PCDH9: variants seen among roughly 807,000 people sequenced by gnomAD.
PCDH9 encodes protocadherin 9, also known as protocadherin-9.
A neutral mutation model predicts 70.6 loss-of-function variants in PCDH9; 24 were observed. The observed-to-expected ratio is 0.34, with a 90% confidence interval of 0.25 to 0.48. The LOEUF (loss-of-function observed/expected upper bound fraction) is 0.48, where lower values mean the gene tolerates loss of function less well. PCDH9 is among the 20% of genes least tolerant of loss of function. The pLI is 0.99. For synonymous variants in PCDH9, 562 were observed against 558.5 expected (o/e 1.01, Z -0.09); for missense variants, 1,281 against 1,503.6 (o/e 0.85, Z 2.45).
chr13:67,224,730 CTTTTT>C, intron 2 of PCDH9: 74 of 527,100 alleles, frequency 1.4e-4, no homozygotes, highest in Middle Eastern at 1.0e-3. Flanking sequence ...AGCAAGCATT[CTTTTT>C]TTTTTTTTTT....
intron 3 of PCDH9, among the ~76,000 whole-genome samples, chr13:66,784,670 T>C (rs2080051810): frequency 6.6e-6 from 1 of 152,180 alleles, no homozygotes; most frequent in South Asian, 2.1e-4. Flanking sequence ...GACTTATAAA[T>C]ATAAAACCGT....
chr13:66,638,573 T>C (rs1287981346), intron 3 of PCDH9, among the ~76,000 whole-genome samples: 3 of 151,966 alleles, frequency 2.0e-5, no homozygotes, highest in African/African-American at 4.8e-5. Context: ...TAATGAGCAA[T>C]TTTTTTTCAT....
At chr13:66,942,555 T>C (rs2083023438) in intron 2 of PCDH9, among the ~76,000 whole-genome samples, 2 of 151,946 alleles carry the variant, frequency 1.3e-5, no homozygotes, top group African/African-American at 2.4e-5. Flanking sequence ...GCTCAAAAAT[T>C]CAACAGTTTT....
chr13:66,385,185 A>G (rs187095548), intron 4 of PCDH9, among the ~76,000 whole-genome samples: 1 of 152,282 alleles, frequency 6.6e-6, no homozygotes, highest in African/African-American at 2.4e-5. Context: ...TGCAAATGAC[A>G]GAATTTTCTT....
At chr13:67,044,074 GA>G (rs1344627610) in intron 2 of PCDH9, among the ~76,000 whole-genome samples, 1 of 151,988 alleles carries the variant, frequency 6.6e-6, no homozygotes, top group African/African-American at 2.4e-5. Context: ...TCCATCCCTG[GA>G]ATGGGGGTTG....
chr13:66,775,705 C>T (rs1293696844), intron 3 of PCDH9, among the ~76,000 whole-genome samples: 1 of 152,174 alleles, frequency 6.6e-6, no homozygotes, highest in Non-Finnish European at 1.5e-5. Context: ...ATAACGTACA[C>T]AATATGTGTT....
chr13:66,647,154 A>G (rs78874297), intron 3 of PCDH9, among the ~76,000 whole-genome samples: 1,562 of 152,246 alleles, frequency 0.01, 16 homozygotes, highest in South Asian at 0.037. Flanking sequence ...TTCTGATGCT[A>G]TTCTGGGCTT....
At chr13:66,840,761 A>C (rs1042606319) in intron 3 of PCDH9, among the ~76,000 whole-genome samples, 2 of 152,216 alleles carry the variant, frequency 1.3e-5, no homozygotes, top group Non-Finnish European at 2.9e-5. Context: ...ACAAACATAA[A>C]ATGGTTGGGT....
At chr13:66,561,206 G>T (rs1473980743) in intron 4 of PCDH9, among the ~76,000 whole-genome samples, 1 of 152,220 alleles carries the variant, frequency 6.6e-6, no homozygotes, top group Non-Finnish European at 1.5e-5. Flanking sequence ...TTAGCGCCTG[G>T]GCCAGCAGCT....
chr13:66,556,308 A>G (rs1961738039), intron 4 of PCDH9, among the ~76,000 whole-genome samples: 1 of 152,104 alleles, frequency 6.6e-6, no homozygotes, highest in Non-Finnish European at 1.5e-5. Context: ...CCAGAGCATG[A>G]GTGTAAGATA....
At chr13:67,133,797 C>CA (rs1332401031) in intron 2 of PCDH9, among the ~76,000 whole-genome samples, 2 of 152,008 alleles carry the variant, frequency 1.3e-5, no homozygotes, top group African/African-American at 4.8e-5. Context: ...TTTGACTCTT[C>CA]ATGCAATAAA....
At chr13:66,704,687 G>A (rs2078689136) in intron 3 of PCDH9, among the ~76,000 whole-genome samples, 4 of 152,090 alleles carry the variant, frequency 2.6e-5, no homozygotes, top group Admixed American at 6.5e-5. Flanking sequence ...ACTGGTAAGT[G>A]TAACTTTTTG....
At chr13:66,661,088 T>G (rs1280112434) in intron 3 of PCDH9, among the ~76,000 whole-genome samples, 1 of 152,240 alleles carries the variant, frequency 6.6e-6, no homozygotes, top group Non-Finnish European at 1.5e-5. Context: ...AATCCCATTT[T>G]ATTTTCTTTT....
intron 2 of PCDH9, among the ~76,000 whole-genome samples, chr13:67,035,211 C>A (rs1255208814): frequency 6.6e-6 from 1 of 152,050 alleles, no homozygotes; most frequent in African/African-American, 2.4e-5. Flanking sequence ...TAAATACTGT[C>A]CAAAGTTTGC....
chr13:66,646,837 C>G (rs1238440507), intron 3 of PCDH9, among the ~76,000 whole-genome samples: 1 of 152,156 alleles, frequency 6.6e-6, no homozygotes, highest in Non-Finnish European at 1.5e-5. Context: ...CCAACACCAC[C>G]CTTCTTCCAT....
At chr13:66,424,593 C>CA (rs1330046107) in intron 4 of PCDH9, among the ~76,000 whole-genome samples, 2 of 151,944 alleles carry the variant, frequency 1.3e-5, no homozygotes, top group East Asian at 3.9e-4. Context: ...CTGATGACAA[C>CA]ACTGCATATT....
In PCDH9 at chr13:66,601,254, C is replaced by A. The variant is rs966560944; in HGVS notation, c.3340+29956G>T. 2.1e-5 allele frequency among the ~76,000 whole-genome samples: 3 copies of A among 145,720 alleles called. 1 individual carries two copies. The highest frequency in any genetic ancestry group is 1.5e-5 in the Non-Finnish European group (1 of 64,818). ...TATTTCTAGCAAAAAGATATCAGTGCTTTTCTCTTTAAAAATAATGTTTAG... is the reference window on the plus strand; with the variant it reads ...TATTTCTAGCAAAAAGATATCAGTGATTTTCTCTTTAAAAATAATGTTTAG... On this transcript the variant is annotated intron_variant, in intron 4 of 4. Transcript: ENST00000377865.
At chr13:66,901,892 C>T (rs942205866) in intron 3 of PCDH9, among the ~76,000 whole-genome samples, 7 of 151,644 alleles carry the variant, frequency 4.6e-5, no homozygotes, top group African/African-American at 1.2e-4. Context: ...AGTCAATAAA[C>T]ACAAACATAA....
chr13:66,403,651 T>A (rs1303406777), intron 4 of PCDH9, among the ~76,000 whole-genome samples: 1 of 152,064 alleles, frequency 6.6e-6, no homozygotes, highest in Non-Finnish European at 1.5e-5. Context: ...ATATTATAAT[T>A]TAAAACAGAA....
Sources: allele counts gnomAD v4.1 joint callset (sites outside exome capture counted in the v4.1 genomes callset), GRCh38; gene constraint gnomAD v4.1.1; transcripts MANE v1.5; gene names NCBI Gene and HGNC (gene_info 2026-07-23, HGNC 2026-07-21).